The following TRAF6 variants were observed in gnomAD, a reference collection of about 807,000 sequenced individuals.
TRAF6 encodes the protein TNF receptor associated factor 6.
A neutral mutation model predicts 48.4 loss-of-function variants in TRAF6; 10 were observed. The ratio of observed to expected loss-of-function variants is 0.21; its 90% CI spans 0.13 to 0.35. The LOEUF is 0.35. Ranked by LOEUF, TRAF6 falls within the 10% of genes least tolerant of loss-of-function variation. The probability of loss-of-function intolerance (pLI) is 1.00; values close to 1 mark genes in which losing one functional copy is unlikely to be tolerated. For missense variants in TRAF6, 397 were observed against 661.0 expected, an observed-to-expected ratio of 0.60 and a Z score of 4.38; for synonymous variants, 186 against 219.6, an observed-to-expected ratio of 0.85 and a Z score of 1.35.
At position 36,486,761 on chromosome 11, in the gene TRAF6, G is replaced by A. The variant is rs1003200561; in HGVS notation, c.*3077C>T. 6.6e-6 allele frequency among the ~76,000 whole-genome samples: 1 copy of A among 152,132 alleles called. No individual in the cohort carries two copies. Among genetic ancestry groups the A allele is most frequent in the African/African-American group, 2.4e-5 (1 of 41,388 alleles). On this transcript the variant is annotated 3_prime_UTR_variant, in exon 7 of 7. Transcript: ENST00000526995. Reference sequence around the variant, plus strand: ...CAACATTCAGACTTGTTTGCCAACAGCAAAATGTATGACGTGCAGCAAGTT... The same window carrying A: ...CAACATTCAGACTTGTTTGCCAACAACAAAATGTATGACGTGCAGCAAGTT...
In TRAF6 at chr11:36,498,424, A is replaced by T. The variant is rs1015828354; in HGVS notation, c.447+66T>A. The T allele has an allele frequency of 3.1e-5, 46 of 1,465,602 alleles. No homozygotes were observed. In the South Asian group the frequency reaches 5.8e-4, roughly 19 times the overall value. 90.8% of individuals were successfully genotyped at this position (1,465,602 alleles called of 1,614,324 possible). A position where few individuals can be genotyped will look rare whatever the true frequency, so the allele number is the denominator to read the frequency against. On this transcript the variant is annotated intron_variant, in intron 3 of 6. Transcript: ENST00000526995. ...CTGGCAATACACAGATGGACACAGC[A>T]AAGTCCCTATTCTGTAGGAACTTCC...
chr11:36,501,784 A>G (rs1859719777), intron 1 of TRAF6: 3 of 257,478 alleles, frequency 1.2e-5, no homozygotes, highest in Non-Finnish European at 2.2e-5. Flanking sequence ...CACACAAAGA[A>G]AGCTGGGTCC....
intron 2 of TRAF6, among the ~76,000 whole-genome samples, chr11:36,500,375 C>T (rs924179484): frequency 2.0e-5 from 3 of 152,140 alleles, no homozygotes; most frequent in Non-Finnish European, 4.4e-5. Flanking sequence ...AAAGCCACCA[C>T]TCACCAAGGC....
chr11:36,491,356 C>T (rs906590713), intron 6 of TRAF6, among the ~76,000 whole-genome samples: 3 of 152,000 alleles, frequency 2.0e-5, no homozygotes, highest in Non-Finnish European at 4.4e-5. Flanking sequence ...ATATAGATGA[C>T]CAAAAAGGGT....
intron 2 of TRAF6, 110 bp from the exon 3 acceptor site, chr11:36,498,750 A>G: frequency 1.7e-6 from 2 of 1,149,806 alleles, no homozygotes; most frequent in Non-Finnish European, 2.4e-6. Context: ...ATAAGTAAAA[A>G]CAATTTAACA....
intron 3 of TRAF6, among the ~76,000 whole-genome samples, chr11:36,497,473 C>A (rs138295340): frequency 4.6e-5 from 7 of 152,288 alleles, no homozygotes; most frequent in African/African-American, 1.7e-4. Flanking sequence ...GATGTGAATT[C>A]TCAAGTTCAT....
chr11:36,492,564 C>T lies in TRAF6; in HGVS notation c.743G>A (p.Gly248Asp), dbSNP rs1477427444. The T allele has an allele frequency of 6.2e-7, 1 of 1,607,434 alleles. No homozygotes were observed. Among genetic ancestry groups the T allele is most frequent in the African/African-American group, 1.3e-5 (1 of 74,426 alleles). The change falls in exon 6 of 7, where the codon GGT becomes GAT. Residue 248 changes from glycine (G) to aspartate (D), a missense_variant. This residue lies in a region of TRAF6 where 245 missense variants were observed against 349.1 expected (regional missense o/e 0.70). Transcript: ENST00000526995. ...AAAAAACCTTACCTTTTCATGGCAA[C>T]CAAAAGTACTGAATGTGCATGGAAT... ...APIPCTFSTF[G>D]CHEKMQRNHL...
In TRAF6 at chr11:36,499,967, T is replaced by C. The variant is rs532760635; in HGVS notation, c.296+1253A>G. On this transcript the variant is annotated intron_variant, in intron 2 of 6. Transcript: ENST00000526995. ...AAAATTCCCATGTACTTTTGAATTATAGTAAAATGTATCTATTTCCATGGA... is the reference window on the plus strand; with the variant it reads ...AAAATTCCCATGTACTTTTGAATTACAGTAAAATGTATCTATTTCCATGGA... Among the ~76,000 whole-genome samples, 19 of 152,336 alleles carry C rather than the reference T, an allele frequency of 1.2e-4. No homozygotes were observed. In the East Asian group the frequency reaches 3.5e-3, roughly 28 times the overall value.
At chr11:36,493,895 C>G (rs1859594865) in intron 5 of TRAF6, among the ~76,000 whole-genome samples, 1 of 152,134 alleles carries the variant, frequency 6.6e-6, no homozygotes, top group East Asian at 1.9e-4. Context: ...CAAACTTGTC[C>G]AGTGACAGGT....
rs1302432387 is a variant in TRAF6 at position 36,489,507 on chromosome 11, G to A, written c.*331C>T. ...TTATTATTAAAAGTTTAGTACTCTTGAGTCTGGACTTTCTGACAATAAAAT... is the reference window on the plus strand; with the variant it reads ...TTATTATTAAAAGTTTAGTACTCTTAAGTCTGGACTTTCTGACAATAAAAT... On this transcript the variant is annotated 3_prime_UTR_variant, in exon 7 of 7. Transcript: ENST00000526995. The A allele has an allele frequency of 7.6e-6, 2 of 262,004 alleles. No homozygotes were observed. The highest frequency in any genetic ancestry group is 4.4e-5 in the African/African-American group (2 of 45,142). 16.2% of individuals were successfully genotyped at this position (262,004 alleles called of 1,614,324 possible).
rs1859529422 is a variant in TRAF6 at position 36,489,279 on chromosome 11, A to G, written c.*559T>C. On this transcript the variant is annotated 3_prime_UTR_variant, in exon 7 of 7. Transcript: ENST00000526995. ...ATATCCTTAGTAACAACCTGGAGGA[A>G]AAACTGGGGTGAATGAGAACTTAAG... 1 of 153,486 alleles carries G rather than the reference A, an allele frequency of 6.5e-6. No individual in the cohort carries two copies. The highest frequency in any genetic ancestry group is 1.5e-5 in the Non-Finnish European group (1 of 68,654). The allele number at this position is 153,486 out of a possible 1,614,324, so 9.5% of individuals were successfully genotyped here.
rs533284233 is a variant in TRAF6, at chr11:36,507,124, T to C, written c.-23+2924A>G. On this transcript the variant is annotated intron_variant, in intron 1 of 6. Coordinates refer to ENST00000526995, the MANE Select transcript of TRAF6 (RefSeq NM_004620.4). ...GTGTATATATGTATATATACATGTA[T>C]TATACATACATAAATGTATATATGT... 1.1e-3 allele frequency among the ~76,000 whole-genome samples: 162 copies of C among 146,944 alleles called. 5 individuals are homozygous for C. Among genetic ancestry groups the C allele is most frequent in the Middle Eastern group, 4.7e-3 (1 of 212 alleles).
chr11:36,489,713 C>G lies in TRAF6; in HGVS notation c.*125G>C. On this transcript the variant is annotated 3_prime_UTR_variant, in exon 7 of 7. Coordinates refer to ENST00000526995, the MANE Select transcript of TRAF6 (RefSeq NM_004620.4). ...CAGGAAGAAATAGTAAGTGACCTCT[C>G]TAACAACACTCACTAGTAGATATTA... is the stretch of plus-strand genomic sequence containing the variant. 1 of 1,072,824 alleles carries G rather than the reference C, an allele frequency of 9.3e-7. No individual in the cohort carries two copies. The highest frequency in any genetic ancestry group is 1.6e-5 in the South Asian group (1 of 63,636). The allele number at this position is 1,072,824 out of a possible 1,614,324, so 66.5% of individuals were successfully genotyped here.
At chr11:36,504,943 T>C (rs892201605) in intron 1 of TRAF6, among the ~76,000 whole-genome samples, 7 of 152,234 alleles carry the variant, frequency 4.6e-5, no homozygotes, top group African/African-American at 1.7e-4. Context: ...AAGGCATCTC[T>C]CTTTCCTGAA....
chr11:36,508,527 T>C (rs991779491), intron 1 of TRAF6, among the ~76,000 whole-genome samples: 4 of 152,134 alleles, frequency 2.6e-5, no homozygotes, highest in Non-Finnish European at 5.9e-5. Context: ...TAAGGAGGTA[T>C]GTGCCAAGTT....
At position 36,487,598 on chromosome 11, in the gene TRAF6, C is replaced by T. The variant is rs1017161933; in HGVS notation, c.*2240G>A. The T allele has an allele frequency of 2.6e-5, 4 of 152,150 alleles. No individual in the cohort carries two copies. The highest frequency in any genetic ancestry group is 2.1e-4 in the South Asian group (1 of 4,832). 9.4% of individuals were successfully genotyped at this position (152,150 alleles called of 1,614,324 possible). A position where few individuals can be genotyped will look rare whatever the true frequency, so the allele number is the denominator to read the frequency against. On this transcript the variant is annotated 3_prime_UTR_variant, in exon 7 of 7. Coordinates refer to ENST00000526995, the MANE Select transcript of TRAF6 (RefSeq NM_004620.4). ...TTTCCTAAGTATTGTCATTGTTCTG[C>T]TGGTTGGAACTTAATTTGAGACAGA... is the stretch of plus-strand genomic sequence containing the variant.
At position 36,490,154 on chromosome 11, in the gene TRAF6, T is replaced by C; in HGVS notation, c.1253A>G (p.Tyr418Cys). The C allele has an allele frequency of 6.2e-7, 1 of 1,614,186 alleles. No homozygotes were observed. The highest frequency in any genetic ancestry group is 8.5e-7 in the Non-Finnish European group (1 of 1,180,034). The change falls in exon 7 of 7, where the codon TAT becomes TGT. Residue 418 changes from tyrosine (Y) to cysteine (C), a missense_variant. Transcript: ENST00000526995. The surrounding 1 kb of genome is among the most constrained non-coding windows in gnomAD (Gnocchi z 6.4). The part of the protein sequence containing the change: ...SLFVHTMQGE[Y>C]DSHLPWPFQG... ...GAAGGGCCAAGGGAGGTGGCTGTCA[T>C]ATTCTCCTTGCATTGTGTGGACAAA... is the stretch of plus-strand genomic sequence containing the variant.
At chr11:36,497,036 C>T in intron 4 of TRAF6, 72 bp downstream of exon 4, 1 of 1,487,808 alleles carries the variant, frequency 6.7e-7, no homozygotes, top group Non-Finnish European at 9.2e-7. Flanking sequence ...CTACTGCTAA[C>T]CCCCTCAAGT....
chr11:36,498,309 T>A (rs1179963399), intron 3 of TRAF6, among the ~76,000 whole-genome samples, 181 bp downstream of exon 3: 1 of 152,204 alleles, frequency 6.6e-6, no homozygotes. Context: ...AACAGTATAT[T>A]TCTGGTTTCT....
Sources: allele counts gnomAD v4.1 joint callset (sites outside exome capture counted in the v4.1 genomes callset), GRCh38; gene constraint gnomAD v4.1.1; regional missense constraint gnomAD v4.1.1; non-coding constraint Gnocchi (gnomAD v3.1); transcripts MANE v1.5; gene names NCBI Gene and HGNC (gene_info 2026-07-23, HGNC 2026-07-21).